The following SLC25A46 variants were observed in gnomAD, a reference collection of about 807,000 sequenced individuals.
The protein encoded by SLC25A46 is mitochondrial outer membrane protein SLC25A46.
A neutral mutation model predicts 44.6 loss-of-function variants in SLC25A46; 39 were observed. The observed-to-expected ratio is 0.87, with a 90% CI of 0.68 to 1.14. The LOEUF is 1.14. Ranked by LOEUF, SLC25A46 falls within the 50% of genes most tolerant of loss-of-function variation. The pLI is 0.00. For missense variants in SLC25A46, 547 were observed against 522.7 expected (o/e 1.05, Z -0.45); for synonymous variants, 202 against 185.8 (o/e 1.09, Z -0.71).
At position 110,739,081 on chromosome 5, in the gene SLC25A46, G is replaced by T; in HGVS notation, c.-39G>T. 6.5e-7 allele frequency: 1 copy of T among 1,535,988 alleles called. No individual in the cohort carries two copies. The highest frequency in any genetic ancestry group is 8.7e-7 in the Non-Finnish European group (1 of 1,144,842). On this transcript the variant is annotated 5_prime_UTR_variant, in exon 1 of 8. Transcript: ENST00000355943. ...AGGTCGTGGTGGCCCCGGTGGTGGT[G>T]GGCTCCGGGCGGGCTCGCGTCATCC...
At chr5:110,755,595 T>G in intron 6 of SLC25A46, 74 bp downstream of exon 6, 1 of 930,598 alleles carries the variant, frequency 1.1e-6, no homozygotes, top group Non-Finnish European at 1.6e-6. Flanking sequence ...GAAACAAATC[T>G]TATTAAATAA....
rs750425619 is a variant in SLC25A46 at position 110,761,218 on chromosome 5, A to G, written c.693A>G (p.Arg231=). 6.3e-7 allele frequency: 1 copy of G among 1,599,100 alleles called. No homozygotes were observed. Among genetic ancestry groups the G allele is most frequent in the Non-Finnish European group, 8.5e-7 (1 of 1,174,604 alleles). The change falls in exon 8 of 8, where the codon CGA becomes CGG. Residue 231 remains arginine, a synonymous_variant. Coordinates refer to ENST00000355943, the MANE Select transcript of SLC25A46 (RefSeq NM_138773.4). This position sits in a 1 kb window ranked among gnomAD's most constrained non-coding sequence, Gnocchi z 5.3. ...TTTTATTTCAGAGTGAGATAATTCG[A>G]GATAATACTGGCATTTTGGAGTGTG... The part of the protein sequence containing the change: ...LIETVQSEII[R]DNTGILECVK...
At chr5:110,741,222 CTT>C (rs1399653203) in intron 1 of SLC25A46, among the ~76,000 whole-genome samples, 2 of 152,138 alleles carry the variant, frequency 1.3e-5, no homozygotes, top group Admixed American at 1.3e-4. Context: ...ACCACTATGA[CTT>C]TGAGTTTAGT....
At position 110,739,387 on chromosome 5, in the gene SLC25A46, C is replaced by A. The variant is rs760129269; in HGVS notation, c.268C>A (p.Gln90Lys). 17 of 1,546,218 alleles carry A rather than the reference C, an allele frequency of 1.1e-5. No homozygotes were observed. In the East Asian group the frequency reaches 3.6e-4, roughly 33 times the overall value. ...TTCCAGTGGCGGCGGCGGCAGTGTG[C>A]AGGGGCAGAGCAGTGGTGAGAAGCA... ...PFSSGGGGSV[Q>K]GQSSEQLNRF... The change falls in exon 1 of 8, where the codon CAG (glutamine) becomes AAG (lysine). Residue 90 changes from glutamine (Q) to lysine (K), a missense_variant. Transcript: ENST00000355943.
chr5:110,739,220 G>T lies in SLC25A46; in HGVS notation c.101G>T (p.Ser34Ile). Residue 34 changes from serine to isoleucine, a missense_variant, in exon 1 of 8, where the codon AGC (serine) becomes ATC (isoleucine). Coordinates refer to ENST00000355943, the MANE Select transcript of SLC25A46 (RefSeq NM_138773.4). Reference sequence around the variant, plus strand: ...GGCGCCTTCCCTGCAAGGTCCTTCAGCACCGGGTCGGACCTGGGCCACTGG... The same window carrying T: ...GGCGCCTTCCCTGCAAGGTCCTTCATCACCGGGTCGGACCTGGGCCACTGG... Reference protein sequence around the residue: ...FGGAFPARSFSTGSDLGHWVT... With the variant: ...FGGAFPARSFITGSDLGHWVT... 1 of 1,574,168 alleles carries T rather than the reference G, an allele frequency of 6.4e-7. No homozygotes were observed. Among genetic ancestry groups the T allele is most frequent in the Non-Finnish European group, 8.6e-7 (1 of 1,160,286 alleles).
Position 110,762,098 on chromosome 5 carries a change from A to C in SLC25A46, c.*316A>C, listed in dbSNP as rs985825336. 4 of 239,378 alleles carry C rather than the reference A, an allele frequency of 1.7e-5. No homozygotes were observed. Among genetic ancestry groups the C allele is most frequent in the African/African-American group, 9.2e-5 (4 of 43,316 alleles). The allele number at this position is 239,378 out of a possible 1,614,324, so 14.8% of individuals were successfully genotyped here. A position where few individuals can be genotyped will look rare whatever the true frequency, so the allele number is the denominator to read the frequency against. ...TAAAATCTAAAACAAAACTTTATAG[A>C]GTTGAATCTATTCCATCTGACTTCA... is the stretch of plus-strand genomic sequence containing the variant. On this transcript the variant is annotated 3_prime_UTR_variant, in exon 8 of 8. Transcript: ENST00000355943.
Position 110,748,276 on chromosome 5 carries a change from G to C in SLC25A46, c.563+13G>C. 1 of 1,605,212 alleles carries C rather than the reference G, an allele frequency of 6.2e-7. No individual in the cohort carries two copies. Among genetic ancestry groups the C allele is most frequent in the Non-Finnish European group, 8.5e-7 (1 of 1,172,282 alleles). On this transcript the variant is annotated intron_variant, in intron 5 of 7. Transcript: ENST00000355943. ...CACCTTTGCCAAGGTACCATTTTTA[G>C]CATTTCTTCAGTATTAGTTTCATGT...
Position 110,741,412 on chromosome 5 carries a change from G to C in SLC25A46, c.284-635G>C, listed in dbSNP as rs139529491. Among the ~76,000 whole-genome samples, 828 of 152,284 alleles carry C rather than the reference G, an allele frequency of 5.4e-3. 3 individuals carry two copies. The highest frequency in any genetic ancestry group is 7.7e-3 in the Non-Finnish European group (521 of 68,020). ...AAACTTGAAGAGATGGGGGAGAGCT[G>C]TATTTACCCATTTTGGTTATCCCTA... is the stretch of plus-strand genomic sequence containing the variant. On this transcript the variant is annotated intron_variant, in intron 1 of 7. Transcript: ENST00000355943.
chr5:110,739,513 C>T (rs1309688762), intron 1 of SLC25A46, 111 bp downstream of exon 1: 3 of 1,397,352 alleles, frequency 2.1e-6, no homozygotes, highest in Non-Finnish European at 2.8e-6. Flanking sequence ...CCTTCTCATC[C>T]TATCGCGCGC....
chr5:110,750,119 A>G (rs529440038), intron 5 of SLC25A46, among the ~76,000 whole-genome samples: 227 of 152,180 alleles, frequency 1.5e-3, no homozygotes, highest in African/African-American at 4.8e-3. Flanking sequence ...AACTGATAGT[A>G]AGCTTTTTTC....
intron 3 of SLC25A46, among the ~76,000 whole-genome samples, chr5:110,745,292 T>G (rs867839143): frequency 6.6e-6 from 1 of 152,120 alleles, no homozygotes; most frequent in Non-Finnish European, 1.5e-5. Flanking sequence ...CTCGCTCTGT[T>G]GCCCAAACTG....
intron 4 of SLC25A46, among the ~76,000 whole-genome samples, chr5:110,746,727 G>C (rs954684451): frequency 1.3e-5 from 2 of 152,148 alleles, no homozygotes; most frequent in Non-Finnish European, 2.9e-5. Flanking sequence ...TGTATGGCTG[G>C]GAAAAACTTT....
intron 5 of SLC25A46, chr5:110,753,285 G>A (rs957144839): frequency 2.8e-5 from 4 of 141,570 alleles, no homozygotes; most frequent in Admixed American, 7.4e-5. Context: ...GAGGGGTTTA[G>A]AGTAGGTTGG....
chr5:110,740,570 A>C (rs1271176648), intron 1 of SLC25A46, among the ~76,000 whole-genome samples: 1 of 152,212 alleles, frequency 6.6e-6, no homozygotes, highest in Non-Finnish European at 1.5e-5. Flanking sequence ...TAAGAGACTT[A>C]CACAGTAAAC....
rs1034227502 is a variant in SLC25A46 at position 110,764,834 on chromosome 5, G to A, written c.*3052G>A. 2 of 151,914 alleles carry A rather than the reference G, an allele frequency of 1.3e-5. No individual in the cohort carries two copies. The highest frequency in any genetic ancestry group is 2.4e-5 in the African/African-American group (1 of 41,402). The allele number at this position is 151,914 out of a possible 1,614,324, so 9.4% of individuals were successfully genotyped here. On this transcript the variant is annotated 3_prime_UTR_variant, in exon 8 of 8. Transcript: ENST00000355943. Reference sequence around the variant, plus strand: ...TTATATAAGCAAATAAGATCTCTTGGTAACAATTGACATTGCACTAGAATT... The same window carrying A: ...TTATATAAGCAAATAAGATCTCTTGATAACAATTGACATTGCACTAGAATT...
At chr5:110,744,773 T>G (rs1208636960) in intron 3 of SLC25A46, among the ~76,000 whole-genome samples, 3 of 152,160 alleles carry the variant, frequency 2.0e-5, no homozygotes, top group African/African-American at 7.2e-5. Flanking sequence ...CGTCAATGAG[T>G]TTTTCTAAGT....
At chr5:110,751,120 C>A (rs545544210) in intron 5 of SLC25A46, among the ~76,000 whole-genome samples, 1 of 152,230 alleles carries the variant, frequency 6.6e-6, no homozygotes, top group South Asian at 2.1e-4. Flanking sequence ...TTAATTCATT[C>A]ATTTACTTGG....
rs2150419215 is a variant in SLC25A46, at chr5:110,761,428, G to C, written c.903G>C (p.Glu301Asp). ...AGACTTACAATAGCCACCTAGCTGA[G>C]AGCACTAGCCCTGTGCAGAGTATGT... ...KRKTYNSHLA[E>D]STSPVQSMLD... The change falls in exon 8 of 8, where the codon GAG (glutamate) becomes GAC (aspartate). Residue 301 changes from glutamate (E) to aspartate (D), a missense_variant. Coordinates refer to ENST00000355943, the MANE Select transcript of SLC25A46 (RefSeq NM_138773.4). This position sits in a 1 kb window ranked among gnomAD's most constrained non-coding sequence, Gnocchi z 5.3. The C allele has an allele frequency of 6.2e-7, 1 of 1,613,684 alleles. No homozygotes were observed. The highest frequency in any genetic ancestry group is 1.7e-4 in the Middle Eastern group (1 of 6,060).
chr5:110,754,690 T>G (rs1800061771), intron 5 of SLC25A46: 1 of 152,150 alleles, frequency 6.6e-6, no homozygotes, highest in Admixed American at 6.6e-5. Context: ...GACCCTGATT[T>G]TTCTCATCAG....
Sources: allele counts gnomAD v4.1 joint callset (sites outside exome capture counted in the v4.1 genomes callset), GRCh38; gene constraint gnomAD v4.1.1; non-coding constraint Gnocchi (gnomAD v3.1); transcripts MANE v1.5; gene names NCBI Gene and HGNC (gene_info 2026-07-23, HGNC 2026-07-21).